ADAMTSL1: variants seen among roughly 807,000 people sequenced by gnomAD.
The protein encoded by ADAMTSL1 is ADAMTS like 1.
A neutral mutation model predicts 201.8 loss-of-function variants in ADAMTSL1; 126 were observed. The ratio of observed to expected loss-of-function variants is 0.62; its 90% CI spans 0.54 to 0.72. The LOEUF (loss-of-function observed/expected upper bound fraction) is 0.72, where lower values mean the gene tolerates loss of function less well. Ranked by LOEUF, ADAMTSL1 falls within the 30% of genes least tolerant of loss-of-function variation. The pLI is 0.00. For missense variants in ADAMTSL1, 2,679 were observed against 2,277.8 expected, an observed-to-expected ratio of 1.18 and a Z score of -3.59; for synonymous variants, 1,121 against 903.4, an observed-to-expected ratio of 1.24 and a Z score of -4.32.
At chr9:18,808,974 A>G (rs1329143580) in intron 20 of ADAMTSL1, among the ~76,000 whole-genome samples, 1 of 129,832 alleles carries the variant, frequency 7.7e-6, no homozygotes, top group Admixed American at 7.7e-5. Context: ...TGCACATAGC[A>G]CACCATATAA....
chr9:18,078,257 G>T (rs188876188), intron 1 of ADAMTSL1, among the ~76,000 whole-genome samples: 1 of 152,118 alleles, frequency 6.6e-6, no homozygotes, highest in African/African-American at 2.4e-5. Flanking sequence ...TTATAGTCGC[G>T]CAGTGGGGAA....
At chr9:18,471,698 G>A (rs942985963), upstream of ADAMTSL1, among the ~76,000 whole-genome samples, 1 of 152,192 alleles carries the variant, frequency 6.6e-6, no homozygotes, top group Non-Finnish European at 1.5e-5. Flanking sequence ...AAAATGCTGT[G>A]AGGAATCAGA....
intron 2 of ADAMTSL1, among the ~76,000 whole-genome samples, chr9:18,186,522 G>A (rs1474466537): frequency 1.3e-5 from 2 of 152,022 alleles, no homozygotes; most frequent in African/African-American, 4.8e-5. Flanking sequence ...GCCGACTGTA[G>A]AATGGGTATG....
intron 2 of ADAMTSL1, among the ~76,000 whole-genome samples, chr9:18,170,642 G>T (rs1173675055): frequency 6.6e-6 from 1 of 152,008 alleles, no homozygotes; most frequent in African/African-American, 2.4e-5. Flanking sequence ...ATAAGAGAAA[G>T]AGAAAAGAGG....
intron 2 of ADAMTSL1, among the ~76,000 whole-genome samples, chr9:18,432,397 A>G (rs972195834): frequency 2.0e-5 from 3 of 152,236 alleles, no homozygotes; most frequent in African/African-American, 4.8e-5. Context: ...AATCTTATGT[A>G]GCTTACATTA....
At chr9:18,774,284 G>A (rs1328679218) in intron 17 of ADAMTSL1, among the ~76,000 whole-genome samples, 1 of 151,942 alleles carries the variant, frequency 6.6e-6, no homozygotes, top group East Asian at 1.9e-4. Flanking sequence ...ACTGCCTTAT[G>A]GACCAATTAC....
chr9:18,569,513 A>G (rs557508944), intron 3 of ADAMTSL1, among the ~76,000 whole-genome samples: 3 of 152,304 alleles, frequency 2.0e-5, no homozygotes, highest in Non-Finnish European at 4.4e-5. Context: ...TTTATTGGAA[A>G]TAGGCAGGAA....
intron 26 of ADAMTSL1, among the ~76,000 whole-genome samples, chr9:18,901,108 C>A (rs1829992517): frequency 6.6e-6 from 1 of 151,382 alleles, no homozygotes; most frequent in Non-Finnish European, 1.5e-5. Context: ...TCTTATACTG[C>A]CTGTAAGACC....
At chr9:17,985,858 T>C (rs961366736) in intron 1 of ADAMTSL1, among the ~76,000 whole-genome samples, 2 of 152,146 alleles carry the variant, frequency 1.3e-5, no homozygotes, top group African/African-American at 4.8e-5. Context: ...AACCTCCTCA[T>C]TTCATGCAAG....
At chr9:18,776,631 A>G in intron 18 of ADAMTSL1, 150 bp from the exon 19 acceptor site, 2 of 945,636 alleles carry the variant, frequency 2.1e-6, no homozygotes, top group Non-Finnish European at 3.0e-6. Context: ...CCCGAAGAAT[A>G]CTTTCTCTCC....
At chr9:18,125,911 C>G (rs1825710578) in intron 1 of ADAMTSL1, among the ~76,000 whole-genome samples, 1 of 152,154 alleles carries the variant, frequency 6.6e-6, no homozygotes, top group South Asian at 2.1e-4. Flanking sequence ...CTGGAATCAG[C>G]CATAGTTAGT....
At chr9:18,246,736 T>C (rs1831269829) in intron 2 of ADAMTSL1, among the ~76,000 whole-genome samples, 1 of 152,314 alleles carries the variant, frequency 6.6e-6, no homozygotes, top group Non-Finnish European at 1.5e-5. Context: ...ATGTGAATTG[T>C]AGCAGGAACA....
At chr9:18,410,846 CT>C (rs1554674422) in intron 2 of ADAMTSL1, among the ~76,000 whole-genome samples, 101 of 47,312 alleles carry the variant, frequency 2.1e-3, no homozygotes, top group Middle Eastern at 8.3e-3. Flanking sequence ...TCTTCTTCTT[CT>C]TTTTTTTTTT....
chr9:18,437,358 G>A lies in ADAMTSL1; in HGVS notation c.208-67471G>A, dbSNP rs543533549. 5.9e-5 allele frequency among the ~76,000 whole-genome samples: 9 copies of A among 152,204 alleles called. No homozygotes were observed. The South Asian group carries it at 1.9e-3, about 32-fold the overall frequency. On this transcript the variant is annotated intron_variant, in intron 2 of 29. Transcript: ENST00000680146. ...ATCCCTTTGCTCCATCCCCAGTGCT[G>A]CTAGTTTTGTTCAGAGTCTGATTTG...
At chr9:18,312,551 G>A (rs1018211828) in intron 2 of ADAMTSL1, among the ~76,000 whole-genome samples, 13 of 152,194 alleles carry the variant, frequency 8.5e-5, no homozygotes, top group African/African-American at 3.1e-4. Flanking sequence ...TTCACCTGAG[G>A]TAGCCAGATG....
At chr9:18,485,995 C>A (rs1193863242) in intron 1 of ADAMTSL1, among the ~76,000 whole-genome samples, 5 of 152,158 alleles carry the variant, frequency 3.3e-5, no homozygotes, top group African/African-American at 1.2e-4. Context: ...TTACTGGTAG[C>A]AAAAACCTCT....
At chr9:17,907,808 A>G (rs1044092264) in intron 1 of ADAMTSL1, among the ~76,000 whole-genome samples, 2 of 152,128 alleles carry the variant, frequency 1.3e-5, no homozygotes, top group Non-Finnish European at 2.9e-5. Context: ...GACTCAGGTT[A>G]ACTATTGCTT....
At position 18,777,757 on chromosome 9, in the gene ADAMTSL1, C is replaced by G. The variant is rs745358818; in HGVS notation, c.3528C>G (p.Leu1176=). 3.1e-6 allele frequency: 5 copies of G among 1,613,648 alleles called. No individual in the cohort carries two copies. Among genetic ancestry groups the G allele is most frequent in the African/African-American group, 1.3e-5 (1 of 74,956 alleles). Residue 1176 remains leucine (L), a synonymous_variant, in exon 19 of 29, where the codon CTC becomes CTG. Transcript: ENST00000380548. ...GCAAGATCTCAGCGGCCCAGCAGCT[C>G]TCAGCCTCGGAGGTGGTCACCCACC... ...ILRKISAAQQ[L]SASEVVTHLG...
At chr9:18,182,331 T>C (rs1243857708) in intron 2 of ADAMTSL1, among the ~76,000 whole-genome samples, 1 of 150,676 alleles carries the variant, frequency 6.6e-6, no homozygotes, top group Non-Finnish European at 1.5e-5. Context: ...GATTACACAA[T>C]ATACTAAAAA....
Sources: allele counts gnomAD v4.1 joint callset (sites outside exome capture counted in the v4.1 genomes callset), GRCh38; gene constraint gnomAD v4.1.1; transcripts MANE v1.5; gene names NCBI Gene and HGNC (gene_info 2026-07-23, HGNC 2026-07-21).